KCNN2: variants seen among roughly 807,000 people sequenced by gnomAD.
KCNN2 encodes the protein potassium calcium-activated channel subfamily N member 2.
A neutral mutation model predicts 55.5 loss-of-function variants in KCNN2; 24 were observed. That is an observed-to-expected ratio of 0.43 (90% CI 0.31 to 0.61). The LOEUF (loss-of-function observed/expected upper bound fraction) is 0.61, where lower values mean the gene tolerates loss of function less well. KCNN2 is among the 20% of genes least tolerant of loss of function. KCNN2 has a pLI of 0.08. For synonymous variants in KCNN2, 431 were observed against 336.1 expected, an observed-to-expected ratio of 1.28 and a Z score of -3.09; for missense variants, 754 against 853.6, an observed-to-expected ratio of 0.88 and a Z score of 1.45.
chr5:114,209,062 CT>C (rs34525244), intron 1 of KCNN2, among the ~76,000 whole-genome samples: 73 of 146,746 alleles, frequency 5.0e-4, no homozygotes, highest in East Asian at 8.0e-4. Context: ...TGACTTCTGC[CT>C]TTTTTTTTTT....
chr5:114,484,710 G>C (rs1762373394), intron 5 of KCNN2, among the ~76,000 whole-genome samples: 1 of 152,164 alleles, frequency 6.6e-6, no homozygotes, highest in African/African-American at 2.4e-5. Context: ...ATTGTTTTGT[G>C]GCTGCCATGT....
At position 114,250,177 on chromosome 5, in the gene KCNN2, G is replaced by A. The variant is rs116583163; in HGVS notation, c.-185+28612G>A. ...AAAGAACCAGGAAATACCATGTCTA[G>A]CATGAGCAGTTTGGATAAGCCTTTT... On this transcript the variant is annotated intron_variant, in intron 2 of 10. Coordinates refer to the KCNN2 transcript ENST00000512097. Among the ~76,000 whole-genome samples, 222 of 152,226 alleles carry A rather than the reference G, an allele frequency of 1.5e-3. 1 individual carries two copies. Among genetic ancestry groups the A allele is most frequent in the African/African-American group, 5.1e-3 (212 of 41,544 alleles).
intron 3 of KCNN2, among the ~76,000 whole-genome samples, chr5:114,440,648 G>T (rs1760170346): frequency 8.1e-6 from 1 of 122,730 alleles, no homozygotes; most frequent in Admixed American, 1.1e-4. Flanking sequence ...CCTTCTAAGG[G>T]TCATGTACCT....
At chr5:114,095,341 A>G (rs1434117674) in intron 1 of KCNN2, among the ~76,000 whole-genome samples, 1 of 152,166 alleles carries the variant, frequency 6.6e-6, no homozygotes, top group Non-Finnish European at 1.5e-5. Context: ...ACTTCCCAAC[A>G]AGGCTTAGAG....
chr5:114,102,068 AT>A (rs1396767122), intron 1 of KCNN2, among the ~76,000 whole-genome samples: 3 of 152,204 alleles, frequency 2.0e-5, no homozygotes, highest in Non-Finnish European at 4.4e-5. Flanking sequence ...AAGCATTCTT[AT>A]TTCTCCACGT....
intron 2 of KCNN2, among the ~76,000 whole-genome samples, chr5:114,226,918 A>G (rs1480329041): frequency 2.6e-5 from 4 of 151,956 alleles, no homozygotes; most frequent in East Asian, 1.9e-4. Flanking sequence ...AAAAAAAAAA[A>G]AAAGAAATAT....
intron 2 of KCNN2, among the ~76,000 whole-genome samples, chr5:114,241,633 C>G (rs1034588435): frequency 4.1e-5 from 6 of 147,302 alleles, no homozygotes; most frequent in Non-Finnish European, 9.0e-5. Flanking sequence ...TAGGCAAAAA[C>G]GTAATCTATG....
intron 1 of KCNN2, among the ~76,000 whole-genome samples, chr5:114,132,415 G>A (rs112900843): frequency 0.031 from 4,645 of 152,080 alleles, 244 homozygotes; most frequent in African/African-American, 0.11. Context: ...TGTTTTTGCT[G>A]GGTTTGTCGA....
chr5:114,188,735 G>T (rs996639660), intron 1 of KCNN2, among the ~76,000 whole-genome samples: 6 of 105,266 alleles, frequency 5.7e-5, no homozygotes, highest in African/African-American at 1.4e-4. Flanking sequence ...CTATAAATTG[G>T]GGAAAAAATG....
intron 1 of KCNN2, among the ~76,000 whole-genome samples, chr5:114,136,646 T>A (rs374485685): frequency 7.4e-4 from 113 of 152,310 alleles, no homozygotes; most frequent in African/African-American, 2.6e-3. Context: ...ATCATTAATT[T>A]AAAAAATTGA....
intron 1 of KCNN2, among the ~76,000 whole-genome samples, chr5:114,127,224 G>C (rs1002275616): frequency 6.6e-6 from 1 of 152,056 alleles, no homozygotes; most frequent in African/African-American, 2.4e-5. Context: ...CTCTGTGTAG[G>C]GGCTGGGGGC....
intron 2 of KCNN2, among the ~76,000 whole-genome samples, chr5:114,397,405 A>G (rs910557575): frequency 2.0e-5 from 3 of 151,868 alleles, no homozygotes; most frequent in African/African-American, 4.8e-5. Flanking sequence ...TATTTTTTTG[A>G]GACGGAGTTT....
At chr5:114,103,358 A>G (rs571507762) in intron 1 of KCNN2, among the ~76,000 whole-genome samples, 2 of 152,320 alleles carry the variant, frequency 1.3e-5, no homozygotes, top group Admixed American at 6.5e-5. Flanking sequence ...ATATACAATC[A>G]TGTCATCTGC....
intron 1 of KCNN2, among the ~76,000 whole-genome samples, chr5:114,216,464 T>C (rs1483819917): frequency 6.6e-6 from 1 of 152,310 alleles, no homozygotes; most frequent in East Asian, 1.9e-4. Flanking sequence ...TCTCACAATG[T>C]TGTCATTGGA....
At chr5:114,216,887 T>C (rs944477080) in intron 1 of KCNN2, among the ~76,000 whole-genome samples, 1 of 152,098 alleles carries the variant, frequency 6.6e-6, no homozygotes, top group African/African-American at 2.4e-5. Context: ...AAAACCTTCC[T>C]GGGACTAATA....
intron 3 of KCNN2, among the ~76,000 whole-genome samples, chr5:114,451,006 G>A (rs1223842341): frequency 6.6e-6 from 1 of 152,130 alleles, no homozygotes; most frequent in African/African-American, 2.4e-5. Flanking sequence ...TAAATTGGGG[G>A]AAATTATTAG....
At chr5:114,439,518 A>T (rs1760133092) in intron 3 of KCNN2, among the ~76,000 whole-genome samples, 1 of 152,124 alleles carries the variant, frequency 6.6e-6, no homozygotes, top group East Asian at 1.9e-4. Context: ...TAGGAGCCAT[A>T]AAAATATATA....
At chr5:114,284,996 T>C (rs1238471842) in intron 2 of KCNN2, among the ~76,000 whole-genome samples, 1 of 151,442 alleles carries the variant, frequency 6.6e-6, no homozygotes, top group Non-Finnish European at 1.5e-5. Flanking sequence ...CAGAGTAAGT[T>C]GGCAGGCTGG....
At chr5:114,288,907 G>A (rs915976483) in intron 2 of KCNN2, among the ~76,000 whole-genome samples, 6 of 151,584 alleles carry the variant, frequency 4.0e-5, no homozygotes, top group African/African-American at 1.2e-4. Flanking sequence ...TATGCTTTTG[G>A]TGTCCTATCT....
Sources: gnomAD v4.1 joint callset for allele counts (sites outside exome capture counted in the v4.1 genomes callset) on GRCh38, gnomAD v4.1.1 for gene constraint, MANE v1.5 for transcripts, NCBI Gene and HGNC (gene_info 2026-07-23, HGNC 2026-07-21) for gene names.